DLG2: variants seen among roughly 807,000 people sequenced by gnomAD.
DLG2 encodes discs large MAGUK scaffold protein 2.
DLG2 carries 45 observed loss-of-function variants against 132.5 expected under a neutral mutation model. The ratio of observed to expected loss-of-function variants is 0.34; its 90% CI spans 0.27 to 0.44. DLG2 has a LOEUF of 0.44. Ranked by LOEUF, DLG2 falls within the 20% of genes least tolerant of loss-of-function variation. DLG2 has a pLI of 1.00. For synonymous variants in DLG2, 424 were observed against 419.6 expected (o/e 1.01, Z -0.13); for missense variants, 1,045 against 1,196.9 (o/e 0.87, Z 1.87).
chr11:83,844,775 G>A (rs945434721), intron 16 of DLG2, among the ~76,000 whole-genome samples: 17 of 152,172 alleles, frequency 1.1e-4, no homozygotes, highest in African/African-American at 4.1e-4. Context: ...TAAATGTGCT[G>A]TCCTGGTGGT....
intron 17 of DLG2, among the ~76,000 whole-genome samples, chr11:83,824,852 A>G (rs753232819): frequency 1.3e-5 from 2 of 152,016 alleles, no homozygotes; most frequent in Non-Finnish European, 2.9e-5. Flanking sequence ...CAGGTGTTAC[A>G]AGTCTGATGT....
intron 18 of DLG2, among the ~76,000 whole-genome samples, chr11:83,638,620 T>C (rs1425210763): frequency 6.6e-6 from 1 of 152,142 alleles, no homozygotes; most frequent in Non-Finnish European, 1.5e-5. Context: ...GAGCCCCCTG[T>C]TACGGCCTCC....
At chr11:84,595,298 A>T (rs979829740) in intron 6 of DLG2, among the ~76,000 whole-genome samples, 11 of 151,756 alleles carry the variant, frequency 7.2e-5, no homozygotes, top group Admixed American at 6.6e-4. Flanking sequence ...AGATTTGGAG[A>T]GATAGGGTTT....
At chr11:84,107,971 C>T (rs1241719798) in intron 9 of DLG2, among the ~76,000 whole-genome samples, 4 of 152,026 alleles carry the variant, frequency 2.6e-5, no homozygotes, top group Non-Finnish European at 5.9e-5. Context: ...TCCCACAGAG[C>T]TTAGTAATCT....
chr11:85,193,628 A>G (rs1224491811), intron 4 of DLG2, among the ~76,000 whole-genome samples: 1 of 152,070 alleles, frequency 6.6e-6, no homozygotes, highest in Non-Finnish European at 1.5e-5. Context: ...CTAATGATTA[A>G]TGTTATCGAT....
At chr11:85,449,917 C>T (rs543353095) in intron 3 of DLG2, among the ~76,000 whole-genome samples, 3 of 151,730 alleles carry the variant, frequency 2.0e-5, no homozygotes, top group African/African-American at 4.8e-5. Flanking sequence ...CACCTGAGGT[C>T]GGGAGTTCGA....
chr11:83,833,022 C>T (rs891113904), intron 17 of DLG2, among the ~76,000 whole-genome samples: 1 of 152,162 alleles, frequency 6.6e-6, no homozygotes, highest in Admixed American at 6.5e-5. Context: ...AAAAGGCATG[C>T]TTCTCAACGT....
chr11:84,963,618 G>A (rs1259871378), intron 6 of DLG2, among the ~76,000 whole-genome samples: 1 of 152,146 alleles, frequency 6.6e-6, no homozygotes. Context: ...ATAGTTAACA[G>A]CTTAATTTCA....
At chr11:84,913,712 G>A (rs753595700) in intron 6 of DLG2, among the ~76,000 whole-genome samples, 7 of 152,198 alleles carry the variant, frequency 4.6e-5, no homozygotes, top group Middle Eastern at 3.4e-3. Context: ...AGGATATGAA[G>A]AAGTATACAT....
chr11:84,173,420 A>G (rs1028606999), intron 8 of DLG2, among the ~76,000 whole-genome samples: 2 of 152,210 alleles, frequency 1.3e-5, no homozygotes, highest in Admixed American at 6.5e-5. Context: ...TTTTGTCCCA[A>G]CAAATCTCCT....
At chr11:85,062,956 T>TAA (rs952360598) in intron 6 of DLG2, among the ~76,000 whole-genome samples, 1 of 151,820 alleles carries the variant, frequency 6.6e-6, no homozygotes, top group Non-Finnish European at 1.5e-5. Flanking sequence ...ATGACTGGTA[T>TAA]AACATCCTGA....
At chr11:83,613,715 A>G (rs1277733467) in intron 19 of DLG2, among the ~76,000 whole-genome samples, 1 of 152,222 alleles carries the variant, frequency 6.6e-6, no homozygotes, top group Non-Finnish European at 1.5e-5. Flanking sequence ...CTTTAAAGAA[A>G]TGATTATTTT....
intron 18 of DLG2, among the ~76,000 whole-genome samples, chr11:83,696,933 G>T (rs1779105921): frequency 6.6e-6 from 1 of 152,150 alleles, no homozygotes; most frequent in Non-Finnish European, 1.5e-5. Context: ...ATAGTAAACA[G>T]AAATATAATT....
At chr11:84,314,486 G>C (rs879629102) in intron 7 of DLG2, among the ~76,000 whole-genome samples, 3 of 152,026 alleles carry the variant, frequency 2.0e-5, no homozygotes, top group African/African-American at 7.2e-5. Context: ...ATATAATTTA[G>C]ATATTAGATG....
chr11:84,964,060 C>T (rs970069509), intron 6 of DLG2, among the ~76,000 whole-genome samples: 1 of 152,040 alleles, frequency 6.6e-6, no homozygotes, highest in Non-Finnish European at 1.5e-5. Flanking sequence ...TCTGGAATCA[C>T]TCTTAGGAAA....
chr11:84,250,925 A>G (rs1045028047), intron 8 of DLG2, among the ~76,000 whole-genome samples: 2 of 152,348 alleles, frequency 1.3e-5, no homozygotes. Flanking sequence ...AGAAACCCAA[A>G]GAAGTTTGCT....
intron 16 of DLG2, among the ~76,000 whole-genome samples, chr11:83,866,003 C>T (rs528005178): frequency 6.6e-6 from 1 of 152,188 alleles, no homozygotes; most frequent in Non-Finnish European, 1.5e-5. Flanking sequence ...AGATAAGAGC[C>T]TTCCATGACC....
At chr11:84,639,343 T>C (rs946490141) in intron 6 of DLG2, among the ~76,000 whole-genome samples, 2 of 134,162 alleles carry the variant, frequency 1.5e-5, no homozygotes, top group Non-Finnish European at 3.2e-5. Context: ...ATTGCAGATA[T>C]CTGTGTTTTT....
intron 3 of DLG2, among the ~76,000 whole-genome samples, chr11:85,506,691 C>A (rs1270497073): frequency 6.6e-6 from 1 of 152,160 alleles, no homozygotes; most frequent in Admixed American, 6.6e-5. Context: ...AATGTATATT[C>A]TGTTGATTTG....
Sources: allele counts gnomAD v4.1 joint callset (sites outside exome capture counted in the v4.1 genomes callset), GRCh38; gene constraint gnomAD v4.1.1; transcripts MANE v1.5; gene names NCBI Gene and HGNC (gene_info 2026-07-23, HGNC 2026-07-21).